SHISA9: variants seen among roughly 807,000 people sequenced by gnomAD.
SHISA9 encodes the protein shisa family member 9.
SHISA9 carries 13 observed loss-of-function variants against 38.0 expected under a neutral mutation model. That is an observed-to-expected ratio of 0.34 (90% CI 0.22 to 0.54). The LOEUF is 0.54. SHISA9 is among the 20% of genes least tolerant of loss of function. The probability of loss-of-function intolerance (pLI) is 0.91; values close to 1 mark genes in which losing one functional copy is unlikely to be tolerated. For synonymous variants in SHISA9, 275 were observed against 242.0 expected (o/e 1.14, Z -1.27); for missense variants, 538 against 575.8 (o/e 0.93, Z 0.67).
chr16:13,027,039 C>T (rs1051531751), intron 2 of SHISA9, among the ~76,000 whole-genome samples: 2 of 152,182 alleles, frequency 1.3e-5, no homozygotes, highest in African/African-American at 4.8e-5. Flanking sequence ...GTTTATACCT[C>T]CCTCCCCCAC....
At chr16:13,097,491 T>A (rs1273907982) in intron 2 of SHISA9, among the ~76,000 whole-genome samples, 1 of 151,830 alleles carries the variant, frequency 6.6e-6, no homozygotes, top group African/African-American at 2.4e-5. Flanking sequence ...ATCACTCAAG[T>A]GATAGCTCAA....
chr16:12,995,964 C>T (rs1187169143), intron 2 of SHISA9, among the ~76,000 whole-genome samples: 1 of 152,146 alleles, frequency 6.6e-6, no homozygotes, highest in Non-Finnish European at 1.5e-5. Flanking sequence ...GCCCATGTCC[C>T]TGGTAATGCT....
chr16:13,391,983 G>A, the SHISA9 span, among the ~76,000 whole-genome samples: 12 of 152,118 alleles, frequency 7.9e-5, no homozygotes, highest in African/African-American at 2.9e-4. Context: ...GATGGTCCCG[G>A]TTTGCTGGTA....
At chr16:12,984,487 C>T (rs1473996315) in intron 2 of SHISA9, among the ~76,000 whole-genome samples, 6 of 152,178 alleles carry the variant, frequency 3.9e-5, no homozygotes, top group Non-Finnish European at 7.3e-5. Context: ...ACGTGTCTCT[C>T]TCTAGAGGTG....
chr16:13,158,989 G>A (rs1259655969), intron 2 of SHISA9, among the ~76,000 whole-genome samples: 1 of 151,092 alleles, frequency 6.6e-6, no homozygotes, highest in African/African-American at 2.4e-5. Context: ...GAACCCAGGA[G>A]GCGGAGGTTG....
At chr16:13,313,043 C>T in the SHISA9 span, among the ~76,000 whole-genome samples, 1 of 151,446 alleles carries the variant, frequency 6.6e-6, no homozygotes, top group African/African-American at 2.4e-5. Context: ...ATCACGAGGT[C>T]AGGAGTTCGA....
chr16:13,256,442 C>T, the SHISA9 span, among the ~76,000 whole-genome samples: 1 of 152,148 alleles, frequency 6.6e-6, no homozygotes, highest in Non-Finnish European at 1.5e-5. Flanking sequence ...CCACCATGCC[C>T]CACTAATTTT....
chr16:13,506,566 C>A, the SHISA9 span, among the ~76,000 whole-genome samples: 1 of 152,164 alleles, frequency 6.6e-6, no homozygotes, highest in Admixed American at 6.5e-5. Context: ...ATGCGGATAT[C>A]CAGGAAGAGG....
At chr16:13,130,467 T>C (rs1472775708) in intron 2 of SHISA9, among the ~76,000 whole-genome samples, 1 of 152,224 alleles carries the variant, frequency 6.6e-6, no homozygotes, top group Non-Finnish European at 1.5e-5. Flanking sequence ...ATACCATCCC[T>C]ATCATTTAAT....
chr16:13,468,817 T>C, the SHISA9 span, among the ~76,000 whole-genome samples: 1 of 151,896 alleles, frequency 6.6e-6, no homozygotes, highest in Non-Finnish European at 1.5e-5. Flanking sequence ...TCTGTCTCTA[T>C]GAAGAAAAAT....
chr16:13,485,607 A>G, the SHISA9 span, among the ~76,000 whole-genome samples: 11 of 152,344 alleles, frequency 7.2e-5, no homozygotes, highest in East Asian at 2.1e-3. Flanking sequence ...GGTAAATAGA[A>G]CATTCATCAC....
Position 13,202,649 on chromosome 16 carries a change from T to C in SHISA9, c.692-745T>C, listed in dbSNP as rs550227342. On this transcript the variant is annotated intron_variant, in intron 2 of 4. Coordinates refer to ENST00000558583, the MANE Select transcript of SHISA9 (RefSeq NM_001145204.3). The stretch of plus-strand genomic sequence containing the variant: ...ATTTTTTCTAACACCTGAAAGATAT[T>C]CCATCATATGTGTACATACTATGTA... Among the ~76,000 whole-genome samples the C allele has an allele frequency of 1.4e-3, 216 of 152,174 alleles. 26 individuals carry two copies. Among genetic ancestry groups the C allele is most frequent in the African/African-American group, 4.9e-3 (204 of 41,468 alleles).
chr16:13,006,753 T>C (rs2072602853), intron 2 of SHISA9, among the ~76,000 whole-genome samples: 1 of 152,220 alleles, frequency 6.6e-6, no homozygotes. Flanking sequence ...TCACTGATTC[T>C]GTTGTACCCT....
chr16:13,558,383 C>T, the SHISA9 span, among the ~76,000 whole-genome samples: 2 of 152,268 alleles, frequency 1.3e-5, no homozygotes, highest in Middle Eastern at 3.4e-3. Flanking sequence ...TACATAGTCA[C>T]TTCTTGTTAT....
intron 2 of SHISA9, among the ~76,000 whole-genome samples, chr16:13,164,770 T>A (rs1210549247): frequency 1.3e-5 from 2 of 152,164 alleles, no homozygotes; most frequent in Non-Finnish European, 2.9e-5. Context: ...TAGAAGTGAA[T>A]TTTGACCACC....
intron 2 of SHISA9, among the ~76,000 whole-genome samples, chr16:13,081,453 T>C (rs993380124): frequency 3.3e-5 from 5 of 152,202 alleles, no homozygotes; most frequent in African/African-American, 1.2e-4. Context: ...TGGGCTGAAA[T>C]TGCATTATAA....
intron 2 of SHISA9, among the ~76,000 whole-genome samples, chr16:13,007,311 G>T (rs1382855972): frequency 6.6e-6 from 1 of 152,126 alleles, no homozygotes; most frequent in African/African-American, 2.4e-5. Flanking sequence ...AACCAGAGAT[G>T]GGGAACTCAC....
chr16:13,469,690 C>T, the SHISA9 span, among the ~76,000 whole-genome samples: 1 of 152,354 alleles, frequency 6.6e-6, no homozygotes, highest in South Asian at 2.1e-4. Flanking sequence ...TCCAGAACAT[C>T]TTCCTCCTCA....
intron 2 of SHISA9, among the ~76,000 whole-genome samples, chr16:13,169,718 T>G (rs1345764628): frequency 6.6e-6 from 1 of 152,166 alleles, no homozygotes; most frequent in African/African-American, 2.4e-5. Flanking sequence ...AATGCCGTCT[T>G]TGTAGTATAG....
Sources: gnomAD v4.1 joint callset for allele counts (sites outside exome capture counted in the v4.1 genomes callset) on GRCh38, gnomAD v4.1.1 for gene constraint, MANE v1.5 for transcripts, NCBI Gene and HGNC (gene_info 2026-07-23, HGNC 2026-07-21) for gene names.